The following OR3A2 variants were observed in gnomAD, a reference collection of about 807,000 sequenced individuals.
OR3A2 encodes olfactory receptor family 3 subfamily A member 2.
For synonymous variants in OR3A2, 126 were observed against 159.3 expected, an observed-to-expected ratio of 0.79 and a Z score of 1.57; for missense variants, 318 against 392.8, an observed-to-expected ratio of 0.81 and a Z score of 1.61.
At position 3,300,596 on chromosome 17, in the gene OR3A2, C is replaced by T. The variant is rs1204331260; in HGVS notation, c.-84-21443G>A. 2.6e-5 allele frequency among the ~76,000 whole-genome samples: 4 copies of T among 151,932 alleles called. No homozygotes were observed. The East Asian group carries it at 7.7e-4, about 29-fold the overall frequency. On this transcript the variant is annotated intron_variant, in intron 3 of 4. Coordinates refer to the OR3A2 transcript ENST00000573491. ...TTAATTAATTAATTAAATAAAATCA[C>T]AATAGAGACACTATTTTACATGTAC...
chr17:3,358,839 A>T (rs1305065546), intron 2 of OR3A2, among the ~76,000 whole-genome samples: 1 of 151,578 alleles, frequency 6.6e-6, no homozygotes, highest in East Asian at 1.9e-4. Flanking sequence ...ATCATTGTTA[A>T]TTTTCTGCCT....
rs145333515 is a variant in OR3A2 at position 3,282,906 on chromosome 17, C to T, written c.-7+1452G>A. 1.5e-3 allele frequency among the ~76,000 whole-genome samples: 228 copies of T among 152,292 alleles called. 1 individual carries two copies. Among genetic ancestry groups the T allele is most frequent in the African/African-American group, 5.3e-3 (220 of 41,538 alleles). ...AATGGTTTCCCTCCAACGGCACATGCCCAGATATTTCACAACTTGACTCAA... is the reference window on the plus strand; with the variant it reads ...AATGGTTTCCCTCCAACGGCACATGTCCAGATATTTCACAACTTGACTCAA... On this transcript the variant is annotated intron_variant, in intron 1 of 1. Coordinates refer to ENST00000642052, the Ensembl canonical transcript of OR3A2.
chr17:3,346,695 C>T lies in OR3A2; in HGVS notation c.-178-10569G>A, dbSNP rs554300385. Among the ~76,000 whole-genome samples the T allele has an allele frequency of 1.7e-3, 264 of 152,120 alleles. 1 individual carries two copies. Among genetic ancestry groups the T allele is most frequent in the African/African-American group, 5.8e-3 (239 of 41,500 alleles). On this transcript the variant is annotated intron_variant, in intron 2 of 4. Transcript: ENST00000573491. ...CATCCGCACCTCTCCATCTCAGCCCCCAACTGTCCTTCCCAGCCTCTGCTC... is the reference window on the plus strand; with the variant it reads ...CATCCGCACCTCTCCATCTCAGCCCTCAACTGTCCTTCCCAGCCTCTGCTC...
At chr17:3,317,956 C>G (rs2318024) in intron 3 of OR3A2, among the ~76,000 whole-genome samples, 22,961 of 151,672 alleles carry the variant, frequency 0.15, 2,308 homozygotes, top group African/African-American at 0.28. Context: ...CACTGGGAGA[C>G]AGCATGATTA....
chr17:3,383,908 A>AACAAATATTTATTGAATAAATATTGTAT (rs1555531020), intron 1 of OR3A2: 10 of 151,960 alleles, frequency 6.6e-5, no homozygotes, highest in Admixed American at 1.3e-4. Context: ...AGCTTCATTC[A>AACAAATATTTATTGAATAAATATTGTAT]ACAAATATTT....
At chr17:3,293,174 T>C (rs907432324) in intron 3 of OR3A2, among the ~76,000 whole-genome samples, 1 of 143,310 alleles carries the variant, frequency 7.0e-6, no homozygotes, top group African/African-American at 2.6e-5. Context: ...AAAGGGTGGG[T>C]AGGGGGAGGC....
chr17:3,348,228 G>C (rs1283689048), intron 2 of OR3A2, among the ~76,000 whole-genome samples: 1 of 152,102 alleles, frequency 6.6e-6, no homozygotes, highest in South Asian at 2.1e-4. Flanking sequence ...TTCTTTTGCT[G>C]TGCAGAAGCT....
At chr17:3,379,028 G>T (rs141883170) in intron 2 of OR3A2, among the ~76,000 whole-genome samples, 56 of 152,224 alleles carry the variant, frequency 3.7e-4, no homozygotes, top group African/African-American at 1.2e-3. Context: ...AAGCTAGTGG[G>T]GACTTGAATA....
At chr17:3,330,258 G>A (rs1022370488) in intron 3 of OR3A2, among the ~76,000 whole-genome samples, 5 of 151,370 alleles carry the variant, frequency 3.3e-5, no homozygotes, top group African/African-American at 1.2e-4. Flanking sequence ...TTCAATTCCT[G>A]GGTATCCTTG....
intron 3 of OR3A2, chr17:3,291,218 A>G (rs551913696): frequency 1.2e-4 from 20 of 163,512 alleles, no homozygotes; most frequent in Non-Finnish European, 2.1e-4. Context: ...CTCTAGACCT[A>G]TGTTTTATAA....
At chr17:3,363,072 A>G (rs9907698) in intron 2 of OR3A2, among the ~76,000 whole-genome samples, 21,351 of 151,618 alleles carry the variant, frequency 0.14, 2,230 homozygotes, top group African/African-American at 0.25. Context: ...GTGATAGGAG[A>G]GGCTGTGAAG....
intron 3 of OR3A2, among the ~76,000 whole-genome samples, chr17:3,331,795 A>C (rs1190668916): frequency 6.7e-6 from 1 of 149,046 alleles, no homozygotes; most frequent in Non-Finnish European, 1.5e-5. Context: ...GGCGCTCTGC[A>C]TTTTAGAGTT....
In OR3A2 at chr17:3,278,110, C is replaced by T; in HGVS notation, c.808G>A (p.Ala270Thr). The change falls in exon 2 of 2, where the codon GCT becomes ACT. Residue 270 changes from alanine to threonine, a missense_variant. Coordinates refer to ENST00000642052, the Ensembl canonical transcript of OR3A2. Reference sequence around the variant, plus strand: ...CCAACCCCTTTATCCTTGTCTGAAGCCTCCTCTGAACCCAGTCTCATGTAG... The same window carrying T: ...CCAACCCCTTTATCCTTGTCTGAAGTCTCCTCTGAACCCAGTCTCATGTAG... 1 of 1,614,226 alleles carries T rather than the reference C, an allele frequency of 6.2e-7. No homozygotes were observed. Among genetic ancestry groups the T allele is most frequent in the Admixed American group, 1.7e-5 (1 of 60,024 alleles).
chr17:3,333,843 C>T, intron 3 of OR3A2, among the ~76,000 whole-genome samples: 1 of 151,998 alleles, frequency 6.6e-6, no homozygotes, highest in East Asian at 1.9e-4. Context: ...GAAAAATTTT[C>T]CAGTCTATCC....
intron 3 of OR3A2, among the ~76,000 whole-genome samples, chr17:3,334,754 A>G (rs566837207): frequency 6.6e-6 from 1 of 152,350 alleles, no homozygotes; most frequent in East Asian, 1.9e-4. Flanking sequence ...GCATACAATC[A>G]TCTATCCATT....
chr17:3,370,307 T>C (rs563057211), intron 2 of OR3A2, among the ~76,000 whole-genome samples: 1 of 152,356 alleles, frequency 6.6e-6, no homozygotes, highest in South Asian at 2.1e-4. Flanking sequence ...CTAGTTTGTG[T>C]GCATAAAGGT....
intron 3 of OR3A2, chr17:3,292,507 G>A (rs2048885223): frequency 1.2e-6 from 2 of 1,613,818 alleles, no homozygotes; most frequent in Non-Finnish European, 1.7e-6. Context: ...ACTGGCTGCA[G>A]CCCTGGCGCC....
intron 2 of OR3A2, among the ~76,000 whole-genome samples, chr17:3,353,271 T>C (rs2049435778): frequency 6.6e-6 from 1 of 151,834 alleles, no homozygotes; most frequent in African/African-American, 2.4e-5. Flanking sequence ...TGGTAGAGTC[T>C]TTAGGTTTTC....
intron 1 of OR3A2, 139 bp downstream of exon 1, chr17:3,385,986 C>T: frequency 2.8e-6 from 1 of 358,880 alleles, no homozygotes; most frequent in Non-Finnish European, 4.8e-6. Context: ...GCCTGGTGGA[C>T]GGAACAGACG....
Sources: gnomAD v4.1 joint callset for allele counts (sites outside exome capture counted in the v4.1 genomes callset) on GRCh38, gnomAD v4.1.1 for gene constraint, MANE v1.5 for transcripts, NCBI Gene and HGNC (gene_info 2026-07-23, HGNC 2026-07-21) for gene names.